Variants in COLQ observed in about 807,000 individuals in gnomAD.
COLQ encodes acetylcholinesterase collagenic tail peptide.
Under a neutral mutation model 69.0 loss-of-function variants are expected in COLQ, and 48 were observed. The ratio of observed to expected loss-of-function variants is 0.70; its 90% CI spans 0.55 to 0.88. The LOEUF is 0.88. COLQ is among the 40% of genes least tolerant of loss of function. The pLI is 0.00. For missense variants in COLQ, 618 were observed against 594.6 expected, an observed-to-expected ratio of 1.04 and a Z score of -0.41; for synonymous variants, 217 against 211.2, an observed-to-expected ratio of 1.03 and a Z score of -0.24.
intron 1 of COLQ, among the ~76,000 whole-genome samples, chr3:15,508,232 C>A (rs1026225346): frequency 5.3e-5 from 8 of 152,306 alleles, no homozygotes; most frequent in African/African-American, 1.9e-4. Flanking sequence ...CAAAAACAGT[C>A]TTTAAACTAC....
chr3:15,492,908 T>G (rs1008515610), intron 1 of COLQ, among the ~76,000 whole-genome samples: 2 of 152,128 alleles, frequency 1.3e-5, no homozygotes, highest in East Asian at 3.9e-4. Flanking sequence ...GTGAAAACTG[T>G]TGGCCTATCC....
chr3:15,454,123 CAAGAAGAAGGAGAT>C (rs1265427945), intron 15 of COLQ, among the ~76,000 whole-genome samples, 192 bp from the exon 16 acceptor site: 2 of 152,160 alleles, frequency 1.3e-5, no homozygotes, highest in Non-Finnish European at 2.9e-5. Flanking sequence ...TGCCATGGGA[CAAGAAGAAGGAGAT>C]CCTGGCTCCA....
chr3:15,511,857 T>C (rs949048548), intron 1 of COLQ, among the ~76,000 whole-genome samples: 2 of 151,986 alleles, frequency 1.3e-5, no homozygotes, highest in Non-Finnish European at 2.9e-5. Context: ...CAAAGGGCAG[T>C]CCAGTTTCAA....
At chr3:15,494,368 G>A (rs1212231536) in intron 1 of COLQ, among the ~76,000 whole-genome samples, 2 of 152,128 alleles carry the variant, frequency 1.3e-5, no homozygotes, top group African/African-American at 2.4e-5. Context: ...TGTTGCAGGA[G>A]GGAAGAAGCA....
intron 3 of COLQ, among the ~76,000 whole-genome samples, chr3:15,484,823 T>C (rs2062548833): frequency 6.6e-6 from 1 of 152,182 alleles, no homozygotes; most frequent in Non-Finnish European, 1.5e-5. Context: ...TCATCTAATC[T>C]TTTTTCAAGG....
intron 1 of COLQ, among the ~76,000 whole-genome samples, chr3:15,517,656 T>C (rs1426850754): frequency 6.6e-6 from 1 of 152,154 alleles, no homozygotes; most frequent in Non-Finnish European, 1.5e-5. Context: ...TAAATGGTTG[T>C]TGTTTTGATC....
At chr3:15,461,867 A>G (rs1050135467) in intron 12 of COLQ, among the ~76,000 whole-genome samples, 1 of 151,820 alleles carries the variant, frequency 6.6e-6, no homozygotes, top group African/African-American at 2.4e-5. Flanking sequence ...ATGTAGGTAT[A>G]TACAGTTTTT....
intron 1 of COLQ, among the ~76,000 whole-genome samples, chr3:15,506,458 A>G (rs944962971): frequency 4.6e-5 from 7 of 152,214 alleles, no homozygotes; most frequent in Admixed American, 3.9e-4. Flanking sequence ...ATTATTTATT[A>G]CCAACCATTA....
Position 15,491,376 on chromosome 3 carries a change from C to A in COLQ, c.107-1739G>T, listed in dbSNP as rs2125142823. 1.3e-5 allele frequency among the ~76,000 whole-genome samples: 2 copies of A among 152,306 alleles called. 1 individual carries two copies. The highest frequency in any genetic ancestry group is 4.1e-4 in the South Asian group (2 of 4,830). ...CACAGAACATGCACGCCACATTGAC[C>A]ACCACAGGCTCTCAACCTTGAACCC... is the stretch of plus-strand genomic sequence containing the variant. On this transcript the variant is annotated intron_variant, in intron 1 of 16. Coordinates refer to ENST00000383788, the MANE Select transcript of COLQ (RefSeq NM_005677.4).
Position 15,451,194 on chromosome 3 carries a change from C to A in COLQ, c.*450G>T. The A allele has an allele frequency of 4.3e-6, 1 of 234,792 alleles. No homozygotes were observed. The highest frequency in any genetic ancestry group is 8.6e-6 in the Non-Finnish European group (1 of 116,468). 14.5% of individuals were successfully genotyped at this position (234,792 alleles called of 1,614,324 possible). On this transcript the variant is annotated 3_prime_UTR_variant, in exon 17 of 17. Transcript: ENST00000383788. ...CTAGAGAGACCCGACAGCGGGCTGCCCAGTGTGAGTGAGAATGCCTGCACG... is the reference window on the plus strand; with the variant it reads ...CTAGAGAGACCCGACAGCGGGCTGCACAGTGTGAGTGAGAATGCCTGCACG...
intron 1 of COLQ, among the ~76,000 whole-genome samples, chr3:15,508,082 C>T (rs541409522): frequency 6.6e-6 from 1 of 152,128 alleles, no homozygotes; most frequent in East Asian, 1.9e-4. Flanking sequence ...TTTATGGTTT[C>T]TGGGTTTTTC....
chr3:15,521,377 C>A, intron 1 of COLQ, 143 bp downstream of exon 1: 1 of 1,068,992 alleles, frequency 9.4e-7, no homozygotes, highest in Non-Finnish European at 1.4e-6. Flanking sequence ...TGACAGGAAG[C>A]TGCTGGGGTG....
At chr3:15,460,058 C>G (rs1220718330) in intron 12 of COLQ, among the ~76,000 whole-genome samples, 2 of 152,132 alleles carry the variant, frequency 1.3e-5, no homozygotes, top group African/African-American at 4.8e-5. Context: ...AATCCTCAGA[C>G]TCTGTCATGT....
At position 15,521,294 on chromosome 3, in the gene COLQ, T is replaced by C. The variant is rs6774922; in HGVS notation, c.106+226A>G. On this transcript the variant is annotated intron_variant, in intron 1 of 16. Transcript: ENST00000383788. ...GGGAGGCAGAAACCATTTTTCAAAG[T>C]GTCTCTGCTTTGAGCAGCCAGGTAG... is the stretch of plus-strand genomic sequence containing the variant. Among the ~76,000 whole-genome samples, 66,715 of 152,044 alleles carry C rather than the reference T, an allele frequency of 0.44. 15,807 individuals carry two copies. The highest frequency in any genetic ancestry group is 0.65 in the East Asian group (3,367 of 5,162).
At position 15,515,667 on chromosome 3, in the gene COLQ, G is replaced by T. The variant is rs76905334; in HGVS notation, c.106+5853C>A. On this transcript the variant is annotated intron_variant, in intron 1 of 16. Coordinates refer to ENST00000383788, the MANE Select transcript of COLQ (RefSeq NM_005677.4). ...TACTAAAAATACAAATTAACTGGGC[G>T]TGGTGGTGGGAGCCTGTAATCCCAG... Among the ~76,000 whole-genome samples the T allele has an allele frequency of 3.9e-5, 6 of 152,226 alleles. No homozygotes were observed. In the East Asian group the frequency reaches 1.2e-3, roughly 29 times the overall value.
chr3:15,502,926 C>G (rs998999129), intron 1 of COLQ, among the ~76,000 whole-genome samples: 2 of 152,180 alleles, frequency 1.3e-5, no homozygotes, highest in African/African-American at 4.8e-5. Flanking sequence ...GCATTTAACC[C>G]TCACAACTGA....
At chr3:15,495,984 G>T (rs548264465) in intron 1 of COLQ, among the ~76,000 whole-genome samples, 85 of 152,280 alleles carry the variant, frequency 5.6e-4, no homozygotes, top group South Asian at 1.0e-3. Flanking sequence ...AGGCTGGCAG[G>T]CCCACACTGC....
intron 1 of COLQ, among the ~76,000 whole-genome samples, chr3:15,518,287 T>C (rs1001714337): frequency 2.0e-5 from 3 of 152,178 alleles, no homozygotes; most frequent in African/African-American, 7.2e-5. Flanking sequence ...CCTAATTCTT[T>C]ATTGTTTTTC....
chr3:15,468,445 C>CTAAGTT (rs1461714136), intron 11 of COLQ, among the ~76,000 whole-genome samples: 2 of 148,392 alleles, frequency 1.3e-5, no homozygotes, highest in African/African-American at 5.0e-5. Context: ...CAACTCCTGC[C>CTAAGTT]TCAGTTTCCC....
Sources: gnomAD v4.1 joint callset for allele counts (sites outside exome capture counted in the v4.1 genomes callset) on GRCh38, gnomAD v4.1.1 for gene constraint, MANE v1.5 for transcripts, NCBI Gene and HGNC (gene_info 2026-07-23, HGNC 2026-07-21) for gene names.